The following PDE4D variants were observed in gnomAD, a reference collection of about 807,000 sequenced individuals.
The protein encoded by PDE4D is 3',5'-cyclic-AMP phosphodiesterase 4D.
A neutral mutation model predicts 87.4 loss-of-function variants in PDE4D; 24 were observed. That is an observed-to-expected ratio of 0.27 (90% CI 0.20 to 0.39). The LOEUF (loss-of-function observed/expected upper bound fraction) is 0.39. Ranked by LOEUF, PDE4D falls within the 10% of genes least tolerant of loss-of-function variation. The pLI, the probability that PDE4D is intolerant of heterozygous loss-of-function variation, is 1.00. For missense variants in PDE4D, 714 were observed against 1,041.0 expected (o/e 0.69, Z 4.32); for synonymous variants, 384 against 383.2 (o/e 1.00, Z -0.02).
intron 1 of PDE4D, among the ~76,000 whole-genome samples, chr5:59,856,713 G>A (rs1377695532): frequency 6.6e-6 from 1 of 152,188 alleles, no homozygotes; most frequent in African/African-American, 2.4e-5. Context: ...GGGAAGCAAT[G>A]CAGAAGCAGA....
chr5:59,041,643 T>A (rs1393604053), intron 5 of PDE4D, among the ~76,000 whole-genome samples: 1 of 152,188 alleles, frequency 6.6e-6, no homozygotes, highest in Non-Finnish European at 1.5e-5. Context: ...GAGTCCCCTC[T>A]GAGGTTCGGC....
At chr5:59,031,396 A>AT in intron 6 of PDE4D, among the ~76,000 whole-genome samples, 1 of 93,988 alleles carries the variant, frequency 1.1e-5, no homozygotes, top group East Asian at 7.9e-4. Flanking sequence ...TATATATTAT[A>AT]TATATATATA....
At chr5:60,253,828 T>C (rs572555199) in intron 1 of PDE4D, among the ~76,000 whole-genome samples, 2 of 151,928 alleles carry the variant, frequency 1.3e-5, no homozygotes, top group Non-Finnish European at 2.9e-5. Flanking sequence ...GGACTGTCGG[T>C]ATTTCAGAAA....
intron 1 of PDE4D, among the ~76,000 whole-genome samples, chr5:59,796,018 C>T (rs1340785119): frequency 6.6e-6 from 1 of 152,170 alleles, no homozygotes. Flanking sequence ...AGGAAACAAC[C>T]TTGACAACAC....
intron 1 of PDE4D, among the ~76,000 whole-genome samples, chr5:59,400,441 G>A (rs1790371487): frequency 6.8e-6 from 1 of 147,598 alleles, no homozygotes; most frequent in South Asian, 2.2e-4. Flanking sequence ...TAGGGACATG[G>A]ATGAAATTGG....
At chr5:59,672,802 G>A (rs78344191) in intron 1 of PDE4D, among the ~76,000 whole-genome samples, 3,059 of 152,256 alleles carry the variant, frequency 0.02, 51 homozygotes, top group Non-Finnish European at 0.03. Context: ...AGGGAAGGAT[G>A]TTACTATTCT....
chr5:59,563,450 T>C (rs1047826388), intron 1 of PDE4D, among the ~76,000 whole-genome samples: 4 of 152,216 alleles, frequency 2.6e-5, no homozygotes, highest in Non-Finnish European at 4.4e-5. Context: ...AGTCATTCAG[T>C]TGAGACATAG....
rs192207518 is a variant in PDE4D at position 59,641,399 on chromosome 5, C to T, written c.455+251769G>A. Among the ~76,000 whole-genome samples the T allele has an allele frequency of 5.1e-4, 77 of 152,300 alleles. No homozygotes were observed. The East Asian group carries it at 5.8e-3, about 11-fold the overall frequency. ...CATCACTCCCACACTGCCGACTTCC[C>T]GTGTGTTCCTTCAGAATCCCTTCTT... On this transcript the variant is annotated intron_variant, in intron 1 of 14. Coordinates refer to ENST00000340635, the MANE Select transcript of PDE4D (RefSeq NM_001104631.2).
chr5:59,556,554 G>A (rs780376159), intron 1 of PDE4D, among the ~76,000 whole-genome samples: 21 of 152,278 alleles, frequency 1.4e-4, no homozygotes, highest in Admixed American at 6.5e-4. Context: ...TCCCAGGGGA[G>A]AATACATTTC....
Position 59,883,786 on chromosome 5 carries a change from C to T in PDE4D, c.455+9382G>A, listed in dbSNP as rs188696182. ...GGAAGATCAGAACCAGTCTGTGACT[C>T]GTTTCTAGCAATTACTCAGGAATTA... is the stretch of plus-strand genomic sequence containing the variant. On this transcript the variant is annotated intron_variant, in intron 1 of 14. Transcript: ENST00000340635. 2.6e-3 allele frequency among the ~76,000 whole-genome samples: 403 copies of T among 152,216 alleles called. 1 individual carries two copies. The highest frequency in any genetic ancestry group is 0.014 in the Middle Eastern group (4 of 294).
chr5:58,990,367 G>C (rs556809049), intron 9 of PDE4D, among the ~76,000 whole-genome samples: 1 of 152,180 alleles, frequency 6.6e-6, no homozygotes, highest in South Asian at 2.1e-4. Flanking sequence ...GGAGCAAAGG[G>C]TCAATAAGAG....
At chr5:59,206,969 G>A (rs1168675112) in intron 2 of PDE4D, among the ~76,000 whole-genome samples, 1 of 152,088 alleles carries the variant, frequency 6.6e-6, no homozygotes, top group Non-Finnish European at 1.5e-5. Flanking sequence ...TATTGCTTGA[G>A]CTCAGGAATT....
intron 1 of PDE4D, among the ~76,000 whole-genome samples, chr5:59,703,370 T>G (rs1050271730): frequency 1.3e-5 from 2 of 152,178 alleles, no homozygotes; most frequent in African/African-American, 4.8e-5. Context: ...ATATCCTTGG[T>G]GACTTTCAGA....
chr5:59,375,329 A>C (rs980498172), intron 1 of PDE4D, among the ~76,000 whole-genome samples: 3 of 152,090 alleles, frequency 2.0e-5, no homozygotes, highest in African/African-American at 7.2e-5. Flanking sequence ...GATTCAAATA[A>C]ACACAATCAG....
rs1427842765 is a variant in PDE4D at position 59,893,551 on chromosome 5, G to A, written c.72C>T (p.Ala24=). ...SGEGSDSAGG[A]TLKAPKHLWR... is the part of the protein sequence containing the mutation. ...AGAGATGCTTGGGGGCTTTGAGCGT[G>A]GCCCCGCCGGCGCTGTCGCTGCCCT... The change falls in exon 1 of 15, where the codon GCC becomes GCT. Residue 24 remains alanine, a synonymous_variant. Transcript: ENST00000340635. 44 of 1,538,338 alleles carry A rather than the reference G, an allele frequency of 2.9e-5. No individual in the cohort carries two copies. Among genetic ancestry groups the A allele is most frequent in the Non-Finnish European group, 3.8e-5 (43 of 1,142,004 alleles).
At chr5:59,143,111 T>TCCTA in intron 5 of PDE4D, among the ~76,000 whole-genome samples, 1 of 151,886 alleles carries the variant, frequency 6.6e-6, no homozygotes, top group East Asian at 1.9e-4. Context: ...CTTCTTTCCT[T>TCCTA]CCTTCCTTCC....
intron 1 of PDE4D, among the ~76,000 whole-genome samples, chr5:60,332,056 G>A (rs1248694284): frequency 6.6e-6 from 1 of 152,156 alleles, no homozygotes; most frequent in Admixed American, 6.6e-5. Context: ...CACTGTGGTT[G>A]CTGTTAGTGT....
intron 5 of PDE4D, among the ~76,000 whole-genome samples, chr5:59,170,881 C>A (rs1581172894): frequency 7.2e-6 from 1 of 138,552 alleles, no homozygotes; most frequent in African/African-American, 2.6e-5. Context: ...TATACTTTCA[C>A]TTTTTTTTTT....
intron 1 of PDE4D, among the ~76,000 whole-genome samples, chr5:59,550,783 G>A (rs190918480): frequency 2.8e-4 from 42 of 150,578 alleles, no homozygotes; most frequent in African/African-American, 9.8e-4. Context: ...TGCAACCTCC[G>A]CCTACCAGGT....
Sources: gnomAD v4.1 joint callset for allele counts (sites outside exome capture counted in the v4.1 genomes callset) on GRCh38, gnomAD v4.1.1 for gene constraint, MANE v1.5 for transcripts, NCBI Gene and HGNC (gene_info 2026-07-23, HGNC 2026-07-21) for gene names.